FKBP1A: variants seen among roughly 807,000 people sequenced by gnomAD.
FKBP1A encodes peptidyl-prolyl cis-trans isomerase FKBP1A.
In FKBP1A, 5 loss-of-function variants were observed where a neutral mutation model predicts 14.2. The observed-to-expected ratio is 0.35, with a 90% CI of 0.18 to 0.74. The LOEUF (loss-of-function observed/expected upper bound fraction) is 0.74. Among genes scored for constraint, FKBP1A ranks in the 30% least tolerant of loss-of-function variants. The probability of loss-of-function intolerance (pLI) is 0.56; values close to 1 mark genes in which losing one functional copy is unlikely to be tolerated. For missense variants in FKBP1A, 53 were observed against 138.8 expected (o/e 0.38, Z 3.10); for synonymous variants, 42 against 49.1 (o/e 0.86, Z 0.60).
chr20:1,370,158 C>T, intron 4 of FKBP1A, 86 bp from the exon 5 acceptor site: 2 of 1,511,332 alleles, frequency 1.3e-6, no homozygotes, highest in Admixed American at 2.1e-5. Context: ...ATCTGCCACG[C>T]CAAATCCCTT....
chr20:1,391,073 G>C (rs185897333), intron 2 of FKBP1A, among the ~76,000 whole-genome samples: 24 of 152,318 alleles, frequency 1.6e-4, no homozygotes, highest in African/African-American at 5.8e-4. Context: ...GTGCGGCACT[G>C]CCTACATGCT....
intron 2 of FKBP1A, among the ~76,000 whole-genome samples, chr20:1,389,492 C>T (rs1483631751): frequency 1.3e-5 from 2 of 152,116 alleles, no homozygotes; most frequent in Admixed American, 1.3e-4. Flanking sequence ...AAGCAAGGGG[C>T]TTGAGGGAGG....
intron 4 of FKBP1A, 82 bp downstream of exon 4, chr20:1,371,994 C>T (rs1001917033): frequency 1.3e-6 from 2 of 1,511,586 alleles, no homozygotes; most frequent in African/African-American, 1.4e-5. Flanking sequence ...GTTTTTTGTT[C>T]TCTCTGCTAC....
intron 2 of FKBP1A, among the ~76,000 whole-genome samples, chr20:1,376,596 T>C (rs1040916145): frequency 2.6e-5 from 4 of 152,106 alleles, no homozygotes; most frequent in Admixed American, 6.5e-5. Context: ...CTAGGTGCTT[T>C]CCACACATGA....
intron 4 of FKBP1A, 129 bp from the exon 5 acceptor site, chr20:1,370,201 C>T: frequency 7.1e-7 from 1 of 1,415,438 alleles, no homozygotes; most frequent in Non-Finnish European, 9.2e-7. Context: ...GACCAAGCCA[C>T]TTCTGTTCCA....
intron 2 of FKBP1A, among the ~76,000 whole-genome samples, chr20:1,391,148 A>G (rs6041947): frequency 0.17 from 25,935 of 152,134 alleles, 3,633 homozygotes; most frequent in East Asian, 0.72. Context: ...TGGGAGTGGG[A>G]CACATGCTGC....
intron 3 of FKBP1A, among the ~76,000 whole-genome samples, chr20:1,374,882 GCT>G (rs2089518731): frequency 1.3e-5 from 2 of 152,156 alleles, no homozygotes; most frequent in African/African-American, 4.8e-5. Flanking sequence ...CGTCATCCAG[GCT>G]GGAGCGCAAT....
rs1179777449 is a variant in FKBP1A at position 1,386,036 on chromosome 20, G to A, written c.85+6798C>T. 6.6e-6 allele frequency among the ~76,000 whole-genome samples: 1 copy of A among 152,198 alleles called. No homozygotes were observed. On this transcript the variant is annotated intron_variant, in intron 2 of 4. Transcript: ENST00000400137. The surrounding 1 kb of genome is among the most constrained non-coding windows in gnomAD (Gnocchi z 4.7). Reference sequence around the variant, plus strand: ...TCCACTACAGTGTGAGATGAAGGCAGGAACTGTGTCTTCTTCACTCCTAAA... The same window carrying A: ...TCCACTACAGTGTGAGATGAAGGCAAGAACTGTGTCTTCTTCACTCCTAAA...
Position 1,392,970 on chromosome 20 carries a change from G to T in FKBP1A, c.29C>A (p.Pro10Gln). 1 of 1,498,624 alleles carries T rather than the reference G, an allele frequency of 6.7e-7. No individual in the cohort carries two copies. 92.8% of individuals were successfully genotyped at this position (1,498,624 alleles called of 1,614,324 possible). MGVQVETIS[P>Q]GDGRTFPKRG... ...CGCGCGCCACTACTCACCGTCTCCTGGGGAGATGGTTTCCACCTGCACTCC... is the reference window on the plus strand; with the variant it reads ...CGCGCGCCACTACTCACCGTCTCCTTGGGAGATGGTTTCCACCTGCACTCC... Residue 10 changes from proline to glutamine, a missense_variant, in exon 1 of 5, where the codon CCA (proline) becomes CAA (glutamine). Physicochemically the swap from Pro to Gln is moderately conservative, Grantham distance 76 (BLOSUM62 -1). This residue lies in a region of FKBP1A where 18 missense variants were observed against 20.6 expected (regional missense o/e 0.87). Transcript: ENST00000400137.
rs895313310 is a variant in FKBP1A, at chr20:1,386,172, G to A, written c.85+6662C>T. Among the ~76,000 whole-genome samples, 3 of 152,156 alleles carry A rather than the reference G, an allele frequency of 2.0e-5. No individual in the cohort carries two copies. Among genetic ancestry groups the A allele is most frequent in the South Asian group, 2.1e-4 (1 of 4,822 alleles). Reference sequence around the variant, plus strand: ...TGGCCTGTGTATATACCTGGAAGACGCTTTCCTCCTGCCTGACTGCACCAT... The same window carrying A: ...TGGCCTGTGTATATACCTGGAAGACACTTTCCTCCTGCCTGACTGCACCAT... On this transcript the variant is annotated intron_variant, in intron 2 of 4. Coordinates refer to ENST00000400137, the MANE Select transcript of FKBP1A (RefSeq NM_000801.5). The surrounding 1 kb of genome is among the most constrained non-coding windows in gnomAD (Gnocchi z 4.7).
chr20:1,384,475 GA>G (rs1355090620), intron 2 of FKBP1A, among the ~76,000 whole-genome samples: 2 of 152,160 alleles, frequency 1.3e-5, no homozygotes, highest in African/African-American at 4.8e-5. Context: ...ACTATGATGG[GA>G]AACTCCACTA....
rs1249933483 is a variant in FKBP1A, at chr20:1,375,415, GT to G, written c.198+75del. 16 of 1,050,742 alleles carry G rather than the reference GT, an allele frequency of 1.5e-5. No homozygotes were observed. The East Asian group carries it at 3.7e-4, about 24-fold the overall frequency. 65.1% of individuals were successfully genotyped at this position (1,050,742 alleles called of 1,614,324 possible). On this transcript the variant is annotated intron_variant, in intron 3 of 4. Transcript: ENST00000400137. ...TTTTCACTTTTTTTATTTTTGAACC[GT>G]ATAAATATGCCACCTATAAAAAAAT...
At chr20:1,389,300 T>C (rs955404620) in intron 2 of FKBP1A, among the ~76,000 whole-genome samples, 1 of 152,208 alleles carries the variant, frequency 6.6e-6, no homozygotes, top group African/African-American at 2.4e-5. Flanking sequence ...AAGGGACTTG[T>C]TGCAGCCCTG....
rs1358706771 is a variant in FKBP1A, at chr20:1,393,009, G to T, written c.-11C>A. 1.4e-6 allele frequency: 2 copies of T among 1,464,478 alleles called. No individual in the cohort carries two copies. Among genetic ancestry groups the T allele is most frequent in the Non-Finnish European group, 1.8e-6 (2 of 1,112,264 alleles). The allele number at this position is 1,464,478 out of a possible 1,614,324, so 90.7% of individuals were successfully genotyped here. A position where few individuals can be genotyped will look rare whatever the true frequency, so the allele number is the denominator to read the frequency against. ...CACCTGCACTCCCATGGCGGCGGCG[G>T]ACGCTGAGCGGGCGGGCGGCGCGAC... On this transcript the variant is annotated 5_prime_UTR_variant, in exon 1 of 5. Coordinates refer to ENST00000400137, the MANE Select transcript of FKBP1A (RefSeq NM_000801.5).
chr20:1,375,208 T>C, intron 3 of FKBP1A: 1 of 560,838 alleles, frequency 1.8e-6, no homozygotes. Flanking sequence ...TCCTCTTTTA[T>C]GTAGTGGTAT....
intron 2 of FKBP1A, among the ~76,000 whole-genome samples, chr20:1,388,020 T>C (rs2089686506): frequency 6.6e-6 from 1 of 152,160 alleles, no homozygotes; most frequent in Non-Finnish European, 1.5e-5. Flanking sequence ...GGTGAAAGGC[T>C]GATGAGCAAG....
chr20:1,391,770 GGGA>G lies in FKBP1A; in HGVS notation c.85+1061_85+1063del, dbSNP rs2089740278. ...GAGGAGAGGGAGTGGGAAAAAAAGA[GGGA>G]GGAGGAGGGGGAACAGAGGAAAGGG... On this transcript the variant is annotated intron_variant, in intron 2 of 4. Coordinates refer to ENST00000400137, the MANE Select transcript of FKBP1A (RefSeq NM_000801.5). 4 of 397,828 alleles carry G rather than the reference GGGA, an allele frequency of 1.0e-5. 1 individual carries two copies. In the South Asian group the frequency reaches 5.2e-4, roughly 52 times the overall value. 24.6% of individuals were successfully genotyped at this position (397,828 alleles called of 1,614,324 possible).
At chr20:1,381,232 C>T (rs2089613755) in intron 2 of FKBP1A, among the ~76,000 whole-genome samples, 2 of 152,104 alleles carry the variant, frequency 1.3e-5, no homozygotes, top group Non-Finnish European at 2.9e-5. Flanking sequence ...CAGAATATAA[C>T]AAACCAAAAT....
Position 1,369,162 on chromosome 20 carries a change from A to G in FKBP1A, c.*947T>C, listed in dbSNP as rs2089427344. ...ATCAGCAGAGGGAGCCAAGCATCAA[A>G]AAACAGGAGATGCTGAAGCTGCGAT... On this transcript the variant is annotated 3_prime_UTR_variant, in exon 5 of 5. Transcript: ENST00000400137. 2 of 167,110 alleles carry G rather than the reference A, an allele frequency of 1.2e-5. No homozygotes were observed. The highest frequency in any genetic ancestry group is 1.3e-4 in the Admixed American group (2 of 15,274). The allele number at this position is 167,110 out of a possible 1,614,324, so 10.4% of individuals were successfully genotyped here. A position where few individuals can be genotyped will look rare whatever the true frequency, so the allele number is the denominator to read the frequency against.
Sources: allele counts gnomAD v4.1 joint callset (sites outside exome capture counted in the v4.1 genomes callset), GRCh38; gene constraint gnomAD v4.1.1; regional missense constraint gnomAD v4.1.1; non-coding constraint Gnocchi (gnomAD v3.1); transcripts MANE v1.5; gene names NCBI Gene and HGNC (gene_info 2026-07-23, HGNC 2026-07-21).